The following SLC25A21 variants were observed in gnomAD, a reference collection of about 807,000 sequenced individuals.
The protein encoded by SLC25A21 is solute carrier family 25 member 21, also known as mitochondrial 2-oxodicarboxylate carrier.
In SLC25A21, 47 loss-of-function variants were observed where a neutral mutation model predicts 43.8. That is an observed-to-expected ratio of 1.07 (90% CI 0.85 to 1.37). The LOEUF (loss-of-function observed/expected upper bound fraction) is 1.37, where lower values mean the gene tolerates loss of function less well. Ranked by LOEUF, SLC25A21 falls within the 40% of genes most tolerant of loss-of-function variation. SLC25A21 has a pLI of 0.00. For missense variants in SLC25A21, 352 were observed against 350.2 expected, an observed-to-expected ratio of 1.00 and a Z score of -0.04; for synonymous variants, 131 against 121.3, an observed-to-expected ratio of 1.08 and a Z score of -0.52.
chr14:36,889,145 A>G (rs1891008452), intron 1 of SLC25A21, among the ~76,000 whole-genome samples: 3 of 152,208 alleles, frequency 2.0e-5, no homozygotes, highest in Non-Finnish European at 4.4e-5. Flanking sequence ...TAAATTCCAT[A>G]CACATATCCT....
intron 3 of SLC25A21, among the ~76,000 whole-genome samples, chr14:36,809,969 G>C (rs1888176821): frequency 1.3e-5 from 2 of 152,120 alleles, no homozygotes; most frequent in African/African-American, 2.4e-5. Flanking sequence ...AACACAACAT[G>C]TGTTAAAAGG....
chr14:36,736,961 T>C (rs61994947), intron 3 of SLC25A21, among the ~76,000 whole-genome samples: 17,846 of 152,206 alleles, frequency 0.12, 1,269 homozygotes, highest in South Asian at 0.28. Flanking sequence ...AAAGATAGAA[T>C]GGGCTCTCCT....
At chr14:36,768,907 C>T (rs964731579) in intron 3 of SLC25A21, among the ~76,000 whole-genome samples, 1 of 133,954 alleles carries the variant, frequency 7.5e-6, no homozygotes, top group Non-Finnish European at 1.6e-5. Flanking sequence ...TCAGCTTGAG[C>T]AACAAAGTGA....
chr14:36,766,159 C>T (rs1886408249), intron 3 of SLC25A21, among the ~76,000 whole-genome samples: 1 of 152,102 alleles, frequency 6.6e-6, no homozygotes. Flanking sequence ...TGATCTACAC[C>T]AGAGTTTTTC....
intron 4 of SLC25A21, among the ~76,000 whole-genome samples, chr14:36,732,353 CTG>C (rs1884862779): frequency 6.6e-6 from 1 of 151,972 alleles, no homozygotes; most frequent in Admixed American, 6.6e-5. Flanking sequence ...CATGGGAAAA[CTG>C]GTATTTCTGT....
intron 3 of SLC25A21, among the ~76,000 whole-genome samples, chr14:36,789,329 G>A (rs759843977): frequency 5.3e-5 from 8 of 151,752 alleles, no homozygotes; most frequent in Non-Finnish European, 1.0e-4. Context: ...TTTTGGGGAG[G>A]AGAAAATAAA....
chr14:36,725,149 T>C (rs7150708), intron 6 of SLC25A21: 2,631 of 152,562 alleles, frequency 0.017, 66 homozygotes, highest in African/African-American at 0.05. Context: ...TGGATAAAAG[T>C]TGTGCCCATT....
intron 7 of SLC25A21, among the ~76,000 whole-genome samples, chr14:36,701,106 GCT>G (rs1883260529): frequency 6.6e-6 from 1 of 152,034 alleles, no homozygotes; most frequent in Non-Finnish European, 1.5e-5. Context: ...TCTAATCTTG[GCT>G]CTCTTTTGTT....
intron 3 of SLC25A21, among the ~76,000 whole-genome samples, chr14:36,742,257 C>A (rs186828398): frequency 1.3e-5 from 2 of 152,272 alleles, no homozygotes; most frequent in Admixed American, 1.3e-4. Context: ...CCTCTTTCTT[C>A]TTCTGCTGTC....
At chr14:37,039,863 G>C (rs1961407558) in intron 1 of SLC25A21, among the ~76,000 whole-genome samples, 1 of 152,096 alleles carries the variant, frequency 6.6e-6, no homozygotes, top group African/African-American at 2.4e-5. Context: ...TCAGACTTGA[G>C]GCTAAGCTTG....
chr14:36,864,994 T>C (rs1202806784), intron 2 of SLC25A21, among the ~76,000 whole-genome samples: 1 of 151,858 alleles, frequency 6.6e-6, no homozygotes, highest in Non-Finnish European at 1.5e-5. Flanking sequence ...TTGTATTCTC[T>C]CCCCATTTTA....
intron 1 of SLC25A21, among the ~76,000 whole-genome samples, chr14:37,011,149 A>G (rs1351138449): frequency 6.6e-6 from 1 of 152,070 alleles, no homozygotes; most frequent in Non-Finnish European, 1.5e-5. Context: ...AGCCTCCCAA[A>G]CTGCGGGGCT....
At chr14:36,820,164 C>A (rs1434558113) in intron 2 of SLC25A21, among the ~76,000 whole-genome samples, 1 of 152,166 alleles carries the variant, frequency 6.6e-6, no homozygotes, top group Non-Finnish European at 1.5e-5. Flanking sequence ...TTTCTGGCAT[C>A]ACCCCTGGAT....
intron 3 of SLC25A21, among the ~76,000 whole-genome samples, chr14:36,802,941 A>C (rs1255591786): frequency 6.6e-6 from 1 of 152,180 alleles, no homozygotes; most frequent in African/African-American, 2.4e-5. Context: ...TTACTGGCAA[A>C]ATTTTATCAT....
At chr14:37,072,118 G>A (rs567565652) in intron 1 of SLC25A21, among the ~76,000 whole-genome samples, 3 of 143,962 alleles carry the variant, frequency 2.1e-5, no homozygotes, top group Non-Finnish European at 3.0e-5. Flanking sequence ...GGAGGCAGAC[G>A]TTGCAGTGAG....
chr14:36,745,119 T>C (rs1005134019), intron 3 of SLC25A21, among the ~76,000 whole-genome samples: 2 of 152,046 alleles, frequency 1.3e-5, no homozygotes, highest in African/African-American at 2.4e-5. Context: ...CTGTGATATT[T>C]TGCTGAGAAT....
At chr14:36,776,265 C>G (rs1431715724) in intron 3 of SLC25A21, among the ~76,000 whole-genome samples, 1 of 74,144 alleles carries the variant, frequency 1.3e-5, no homozygotes, top group Non-Finnish European at 2.3e-5. Flanking sequence ...GAGATGGAGT[C>G]TCGCTTTGTG....
intron 1 of SLC25A21, among the ~76,000 whole-genome samples, chr14:37,032,453 G>A (rs976301539): frequency 2.6e-5 from 4 of 152,094 alleles, no homozygotes; most frequent in Middle Eastern, 3.4e-3. Context: ...GGAGAATGGC[G>A]TGAACCCAGG....
intron 1 of SLC25A21, among the ~76,000 whole-genome samples, chr14:36,961,218 GTT>G (rs11319195): frequency 1.4e-5 from 2 of 147,622 alleles, no homozygotes; most frequent in East Asian, 2.0e-4. Flanking sequence ...TCGTTTTTTG[GTT>G]TTTTTTTTTG....
Sources: allele counts gnomAD v4.1 joint callset (sites outside exome capture counted in the v4.1 genomes callset), GRCh38; gene constraint gnomAD v4.1.1; transcripts MANE v1.5; gene names NCBI Gene and HGNC (gene_info 2026-07-23, HGNC 2026-07-21).